The following NME9 variants were observed in gnomAD, a reference collection of about 807,000 sequenced individuals.
NME9 encodes the protein thioredoxin domain-containing protein 6.
A neutral mutation model predicts 44.4 loss-of-function variants in NME9; 48 were observed. The ratio of observed to expected loss-of-function variants is 1.08; its 90% CI spans 0.86 to 1.37. NME9 has a LOEUF of 1.37. NME9 is among the 40% of genes most tolerant of loss of function. The pLI, the probability that NME9 is intolerant of heterozygous loss-of-function variation, is 0.00. For synonymous variants in NME9, 139 were observed against 147.1 expected (o/e 0.94, Z 0.40); for missense variants, 325 against 405.2 (o/e 0.80, Z 1.70).
At chr3:138,306,730 C>T (rs562211688) in intron 6 of NME9, among the ~76,000 whole-genome samples, 41 of 152,224 alleles carry the variant, frequency 2.7e-4, no homozygotes, top group Non-Finnish European at 4.8e-4. Context: ...AACAGAGACT[C>T]AGAGACTGGC....
intron 2 of NME9, among the ~76,000 whole-genome samples, chr3:138,322,485 GGTGTGT>G (rs10580643): frequency 2.1e-3 from 310 of 146,014 alleles, no homozygotes; most frequent in South Asian, 9.8e-3. Context: ...AAGAAAAAGG[GGTGTGT>G]GTGTGTGTGT....
chr3:138,324,318 C>G (rs2053643628), intron 2 of NME9: 5 of 380,156 alleles, frequency 1.3e-5, no homozygotes, highest in South Asian at 9.5e-5. Context: ...CACTCTGAGC[C>G]AGAGGTATCC....
chr3:138,317,478 G>A (rs1056664568), intron 4 of NME9, among the ~76,000 whole-genome samples: 1 of 152,208 alleles, frequency 6.6e-6, no homozygotes, highest in African/African-American at 2.4e-5. Context: ...GAAGCCAAGT[G>A]TGAAACAGTG....
At chr3:138,264,567 G>A (rs570486740) in intron 8 of NME9, among the ~76,000 whole-genome samples, 1 of 151,590 alleles carries the variant, frequency 6.6e-6, no homozygotes, top group Admixed American at 6.6e-5. Context: ...CTACAGGTGC[G>A]CACCACCACG....
intron 2 of NME9, chr3:138,324,229 A>C: frequency 3.1e-6 from 1 of 325,690 alleles, no homozygotes; most frequent in Non-Finnish European, 6.1e-6. Flanking sequence ...GCCAACAGCC[A>C]CACAAAAGAA....
At chr3:138,328,557 G>T (rs1383955295) in intron 1 of NME9, among the ~76,000 whole-genome samples, 1 of 152,118 alleles carries the variant, frequency 6.6e-6, no homozygotes, top group African/African-American at 2.4e-5. Context: ...GGGGCCAGCT[G>T]ATGATGAGGC....
rs180824123 is a variant in NME9, at chr3:138,314,763, G to T, written c.385-356C>A. Among the ~76,000 whole-genome samples, 1,184 of 152,288 alleles carry T rather than the reference G, an allele frequency of 7.8e-3. 7 individuals are homozygous for T. The highest frequency in any genetic ancestry group is 0.012 in the Non-Finnish European group (845 of 68,002). ...AAGAGATAATATTCCCTTGGAGGAG[G>T]CACATGAAAATGTTAGCATTTGCAG... On this transcript the variant is annotated intron_variant, in intron 5 of 10. Coordinates refer to ENST00000333911, the MANE Select transcript of NME9 (RefSeq NM_001349018.2).
chr3:138,319,221 T>C (rs977995620), intron 3 of NME9, among the ~76,000 whole-genome samples: 1 of 151,800 alleles, frequency 6.6e-6, no homozygotes, highest in Admixed American at 6.6e-5. Context: ...TGCATTTGAG[T>C]GACATATATT....
intron 8 of NME9, chr3:138,284,465 C>T: frequency 6.2e-7 from 1 of 1,613,756 alleles, no homozygotes; most frequent in Non-Finnish European, 8.5e-7. Context: ...GCGGATGGGA[C>T]AACAGCAAAA....
chr3:138,321,958 C>A (rs892550650), intron 2 of NME9, among the ~76,000 whole-genome samples: 2 of 151,734 alleles, frequency 1.3e-5, no homozygotes, highest in Non-Finnish European at 2.9e-5. Context: ...GGCAACCAGA[C>A]ATCCAAGCAG....
chr3:138,293,204 G>GC (rs2051141226), intron 8 of NME9, among the ~76,000 whole-genome samples: 1 of 152,168 alleles, frequency 6.6e-6, no homozygotes, highest in Admixed American at 6.5e-5. Flanking sequence ...CACAGGACAG[G>GC]CTAGGCCTCT....
chr3:138,288,837 T>C (rs1370013361), intron 8 of NME9, among the ~76,000 whole-genome samples: 1 of 151,988 alleles, frequency 6.6e-6, no homozygotes, highest in Non-Finnish European at 1.5e-5. Flanking sequence ...AGGGTTTCAC[T>C]GTGTTAATCA....
At chr3:138,305,155 C>A in intron 8 of NME9, 128 bp from the exon 9 acceptor site, 1 of 837,414 alleles carries the variant, frequency 1.2e-6, no homozygotes. Flanking sequence ...CCAGCATGCC[C>A]GTGGCCACTC....
intron 8 of NME9, among the ~76,000 whole-genome samples, chr3:138,287,191 C>A (rs999805501): frequency 6.6e-6 from 1 of 152,210 alleles, no homozygotes; most frequent in Non-Finnish European, 1.5e-5. Flanking sequence ...CTTTCAGGGG[C>A]TTCCTCTCAA....
intron 4 of NME9, 30 bp from the exon 5 acceptor site, chr3:138,315,673 C>G (rs2053025327): frequency 1.4e-6 from 2 of 1,465,128 alleles, no homozygotes; most frequent in Non-Finnish European, 1.8e-6. Context: ...GCATGAAATA[C>G]TCTTGGCAAA....
At chr3:138,300,659 A>G (rs2051791452), downstream of NME9, among the ~76,000 whole-genome samples, 1 of 152,234 alleles carries the variant, frequency 6.6e-6, no homozygotes, top group African/African-American at 2.4e-5. Flanking sequence ...AGCTGAAGGC[A>G]ACCTGGCCCC....
At chr3:138,298,968 G>C (rs2051704223), downstream of NME9, among the ~76,000 whole-genome samples, 1 of 152,194 alleles carries the variant, frequency 6.6e-6, no homozygotes, top group South Asian at 2.1e-4. Flanking sequence ...GAAGAGAGTA[G>C]GAGCAGGGCC....
chr3:138,315,533 C>G lies in NME9; in HGVS notation c.378G>C (p.Arg126=), dbSNP rs1441608183. 4 of 1,536,130 alleles carry G rather than the reference C, an allele frequency of 2.6e-6. No homozygotes were observed. The Admixed American group carries it at 7.8e-5, about 30-fold the overall frequency. Residue 126 remains arginine (R), a synonymous_variant, in exon 5 of 11, where the codon CGG becomes CGC. Transcript: ENST00000333911. Reference sequence around the variant, plus strand: ...AGAAGTGACCTCCAGTTACCACTTTCCGTTCTCTGCCTTCAGCCAGCACTT... The same window carrying G: ...AGAAGTGACCTCCAGTTACCACTTTGCGTTCTCTGCCTTCAGCCAGCACTT... ...EKKVLAEGRE[R]KVIKDEALSD... is the part of the protein sequence containing the mutation.
chr3:138,325,112 C>A (rs2053697872), intron 1 of NME9, among the ~76,000 whole-genome samples, 182 bp from the exon 2 acceptor site: 1 of 152,252 alleles, frequency 6.6e-6, no homozygotes, highest in South Asian at 2.1e-4. Flanking sequence ...CAGAAAAAAA[C>A]ACTATCCTAA....
Sources: allele counts gnomAD v4.1 joint callset (sites outside exome capture counted in the v4.1 genomes callset), GRCh38; gene constraint gnomAD v4.1.1; transcripts MANE v1.5; gene names NCBI Gene and HGNC (gene_info 2026-07-23, HGNC 2026-07-21).